GRIK4: variants seen among roughly 807,000 people sequenced by gnomAD.
GRIK4 encodes glutamate ionotropic receptor kainate type subunit 4, also known as glutamate receptor ionotropic, kainate 4.
Under a neutral mutation model 104.9 loss-of-function variants are expected in GRIK4, and 40 were observed. That is an observed-to-expected ratio of 0.38 (90% CI 0.30 to 0.50). The LOEUF (loss-of-function observed/expected upper bound fraction) is 0.50. Among genes scored for constraint, GRIK4 ranks in the 20% least tolerant of loss-of-function variants. The pLI is 0.93. For missense variants in GRIK4, 1,047 were observed against 1,308.1 expected (o/e 0.80, Z 3.08); for synonymous variants, 485 against 524.9 (o/e 0.92, Z 1.04).
At chr11:120,605,137 G>A (rs2135137172) in intron 1 of GRIK4, among the ~76,000 whole-genome samples, 1 of 152,322 alleles carries the variant, frequency 6.6e-6, no homozygotes, top group Non-Finnish European at 1.5e-5. Flanking sequence ...GCACAGCACA[G>A]CCAAGTCTGA....
intron 1 of GRIK4, among the ~76,000 whole-genome samples, chr11:120,604,171 CAAAAAAAAAAAA>C (rs59469495): frequency 3.9e-5 from 2 of 51,780 alleles, no homozygotes; most frequent in South Asian, 9.4e-4. Flanking sequence ...GACTCCTTCT[CAAAAAAAAAAAA>C]AAAAAAAAAA....
intron 6 of GRIK4, among the ~76,000 whole-genome samples, chr11:120,829,694 C>T (rs1047472766): frequency 3.3e-5 from 5 of 152,318 alleles, no homozygotes; most frequent in East Asian, 1.9e-4. Context: ...CTTTCTCATA[C>T]GATCACAGTG....
intron 1 of GRIK4, among the ~76,000 whole-genome samples, chr11:120,575,125 C>T (rs889071591): frequency 6.6e-6 from 1 of 152,140 alleles, no homozygotes; most frequent in Non-Finnish European, 1.5e-5. Context: ...CTGTTGTGCC[C>T]GCCATGCCTG....
chr11:120,584,476 C>A (rs1948631702), intron 1 of GRIK4, among the ~76,000 whole-genome samples: 1 of 152,162 alleles, frequency 6.6e-6, no homozygotes, highest in Non-Finnish European at 1.5e-5. Context: ...CAGGCAGTTA[C>A]ATGGTGAAAG....
At chr11:120,543,313 C>T (rs1591684395) in intron 1 of GRIK4, among the ~76,000 whole-genome samples, 1 of 152,104 alleles carries the variant, frequency 6.6e-6, no homozygotes. Context: ...TGTGGTGGCT[C>T]AAGCCTGTAA....
intron 3 of GRIK4, among the ~76,000 whole-genome samples, chr11:120,751,131 T>C (rs1031152193): frequency 3.9e-5 from 6 of 151,956 alleles, no homozygotes; most frequent in Non-Finnish European, 8.8e-5. Flanking sequence ...CACCTTGGCA[T>C]GGCCCCCCAG....
chr11:120,682,927 G>A (rs1950220446), intron 3 of GRIK4, among the ~76,000 whole-genome samples: 1 of 152,014 alleles, frequency 6.6e-6, no homozygotes, highest in Non-Finnish European at 1.5e-5. Context: ...CCTGGTGAAT[G>A]CTTACTCGTT....
intron 19 of GRIK4, among the ~76,000 whole-genome samples, chr11:120,970,656 A>G (rs1398564056): frequency 6.6e-6 from 1 of 151,536 alleles, no homozygotes; most frequent in Admixed American, 6.6e-5. Flanking sequence ...TGGGAAGGGG[A>G]TCCAGGATCT....
intron 19 of GRIK4, among the ~76,000 whole-genome samples, chr11:120,972,826 G>A (rs777352417): frequency 4.6e-5 from 7 of 152,016 alleles, no homozygotes; most frequent in Admixed American, 6.6e-5. Context: ...GTGGTATGAC[G>A]CATATTTCTG....
At chr11:120,575,084 T>G (rs898891156) in intron 1 of GRIK4, among the ~76,000 whole-genome samples, 1 of 152,238 alleles carries the variant, frequency 6.6e-6, no homozygotes, top group Admixed American at 6.5e-5. Context: ...ATGGGCTCCC[T>G]GCTCATCAGG....
intron 2 of GRIK4, among the ~76,000 whole-genome samples, chr11:120,654,493 G>T (rs919826934): frequency 4.6e-5 from 7 of 152,116 alleles, no homozygotes; most frequent in African/African-American, 1.7e-4. Context: ...CTCCCGAGTA[G>T]CTGGGATTAT....
At chr11:120,899,703 A>G (rs1471651527) in intron 12 of GRIK4, among the ~76,000 whole-genome samples, 1 of 152,174 alleles carries the variant, frequency 6.6e-6, no homozygotes, top group African/African-American at 2.4e-5. Context: ...TGTCAATTAA[A>G]CCAACTACAT....
intron 3 of GRIK4, among the ~76,000 whole-genome samples, chr11:120,671,118 T>C (rs960509987): frequency 1.3e-5 from 2 of 152,186 alleles, no homozygotes; most frequent in Non-Finnish European, 2.9e-5. Flanking sequence ...GGCATTTGGG[T>C]TGGTTCCAAG....
chr11:120,544,743 G>A (rs1004347971), intron 1 of GRIK4, among the ~76,000 whole-genome samples: 1 of 152,194 alleles, frequency 6.6e-6, no homozygotes, highest in Non-Finnish European at 1.5e-5. Flanking sequence ...GAGGTGTCTT[G>A]TGGGTCATCA....
chr11:120,535,961 C>T (rs531223488), intron 1 of GRIK4, among the ~76,000 whole-genome samples: 1 of 152,160 alleles, frequency 6.6e-6, no homozygotes, highest in Non-Finnish European at 1.5e-5. Flanking sequence ...CTGGCCATCT[C>T]GCTGCATGTA....
chr11:120,719,278 A>C (rs754974217), intron 3 of GRIK4, among the ~76,000 whole-genome samples: 2 of 152,206 alleles, frequency 1.3e-5, no homozygotes, highest in Non-Finnish European at 2.9e-5. Context: ...CTACAGCCAC[A>C]CATAAAGTGG....
At chr11:120,842,888 G>A (rs932741933) in intron 8 of GRIK4, among the ~76,000 whole-genome samples, 30 of 152,378 alleles carry the variant, frequency 2.0e-4, no homozygotes, top group Non-Finnish European at 2.1e-4. Context: ...TAAGAGAAGA[G>A]ATGAAGGAGG....
chr11:120,963,689 G>A (rs1294134616), intron 18 of GRIK4, among the ~76,000 whole-genome samples: 1 of 152,196 alleles, frequency 6.6e-6, no homozygotes, highest in Non-Finnish European at 1.5e-5. Context: ...TCAAAACTCT[G>A]TAAATTGCAG....
In GRIK4 at chr11:120,905,588, T is replaced by C; in HGVS notation, c.1476+95T>C. 1 of 839,846 alleles carries C rather than the reference T, an allele frequency of 1.2e-6. No individual in the cohort carries two copies. Among genetic ancestry groups the C allele is most frequent in the Admixed American group, 1.8e-5 (1 of 54,536 alleles). The allele number at this position is 839,846 out of a possible 1,614,324, so 52.0% of individuals were successfully genotyped here. ...TGCACGCTCATGAACCCTCCATTTGTTCAGTCAATCATTCATGCATTTGTC... is the reference window on the plus strand; with the variant it reads ...TGCACGCTCATGAACCCTCCATTTGCTCAGTCAATCATTCATGCATTTGTC... On this transcript the variant is annotated intron_variant, in intron 13 of 20. Coordinates refer to ENST00000527524, the MANE Select transcript of GRIK4 (RefSeq NM_014619.5). This position sits in a 1 kb window ranked among gnomAD's most constrained non-coding sequence, Gnocchi z 5.1.
Sources: allele counts gnomAD v4.1 joint callset (sites outside exome capture counted in the v4.1 genomes callset), GRCh38; gene constraint gnomAD v4.1.1; non-coding constraint Gnocchi (gnomAD v3.1); transcripts MANE v1.5; gene names NCBI Gene and HGNC (gene_info 2026-07-23, HGNC 2026-07-21).